The following SBNO1 variants were observed in gnomAD, a reference collection of about 807,000 sequenced individuals.
SBNO1 encodes strawberry notch homolog 1.
In SBNO1, 23 loss-of-function variants were observed where a neutral mutation model predicts 173.6. That is an observed-to-expected ratio of 0.13 (90% CI 0.10 to 0.19). The LOEUF is 0.19. SBNO1 is among the 10% of genes least tolerant of loss of function. The pLI is 1.00. For synonymous variants in SBNO1, 632 were observed against 571.5 expected (o/e 1.11, Z -1.51); for missense variants, 1,238 against 1,671.2 (o/e 0.74, Z 4.52).
chr12:123,318,157 T>C (rs764005536), intron 20 of SBNO1, among the ~76,000 whole-genome samples: 30 of 152,270 alleles, frequency 2.0e-4, no homozygotes, highest in Non-Finnish European at 4.1e-4. Flanking sequence ...TCCCATTATG[T>C]TGCCCAGGCT....
intron 1 of SBNO1, among the ~76,000 whole-genome samples, chr12:123,361,260 G>C (rs1430605660): frequency 6.8e-6 from 1 of 146,634 alleles, no homozygotes; most frequent in Non-Finnish European, 1.5e-5. Flanking sequence ...ATAAAAAATA[G>C]AAAGAAGGCT....
At chr12:123,300,951 C>G (rs564593793) in intron 30 of SBNO1, among the ~76,000 whole-genome samples, 4 of 145,038 alleles carry the variant, frequency 2.8e-5, no homozygotes, top group African/African-American at 7.6e-5. Context: ...AGAGCAAGGA[C>G]ACCATCTCAA....
chr12:123,299,091 G>C (rs1372266283), intron 30 of SBNO1, among the ~76,000 whole-genome samples: 1 of 152,054 alleles, frequency 6.6e-6, no homozygotes, highest in African/African-American at 2.4e-5. Flanking sequence ...GGTATGGGCT[G>C]GGTGCGGTGG....
chr12:123,358,419 C>T (rs1379230602), intron 1 of SBNO1, among the ~76,000 whole-genome samples: 1 of 152,022 alleles, frequency 6.6e-6, no homozygotes, highest in Non-Finnish European at 1.5e-5. Flanking sequence ...CAAATGCTAC[C>T]CATTATCCCT....
Position 123,304,687 on chromosome 12 carries a change from A to C in SBNO1, c.3663T>G (p.Val1221=). Reference sequence around the variant, plus strand: ...GTTTCTTTTTAGGATTCACTTCTTTAACTAAGATGGCAGTTTTCTTGTTGT... The same window carrying C: ...GTTTCTTTTTAGGATTCACTTCTTTCACTAAGATGGCAGTTTTCTTGTTGT... ...IRNNKKTAIL[V]KEVNPKKKLF... Residue 1221 remains valine, a synonymous_variant, in exon 29 of 32, where the codon GTT becomes GTG. Transcript: ENST00000602398. 1 of 1,546,064 alleles carries C rather than the reference A, an allele frequency of 6.5e-7. No individual in the cohort carries two copies. The highest frequency in any genetic ancestry group is 8.9e-7 in the Non-Finnish European group (1 of 1,123,084).
intron 13 of SBNO1, among the ~76,000 whole-genome samples, chr12:123,327,209 A>T (rs1181332981): frequency 6.6e-6 from 1 of 151,856 alleles, no homozygotes; most frequent in African/African-American, 2.4e-5. Flanking sequence ...TGAGGTTTCA[A>T]CATGTAGGCC....
rs1869964319 is a variant in SBNO1 at position 123,321,428 on chromosome 12, A to C, written c.2323+107T>G. 9.7e-6 allele frequency: 8 copies of C among 820,720 alleles called. No homozygotes were observed. The Admixed American group carries it at 1.8e-4, about 18-fold the overall frequency. The allele number at this position is 820,720 out of a possible 1,614,324, so 50.8% of individuals were successfully genotyped here. A position where few individuals can be genotyped will look rare whatever the true frequency, so the allele number is the denominator to read the frequency against. On this transcript the variant is annotated intron_variant, in intron 17 of 31. Coordinates refer to ENST00000602398, the MANE Select transcript of SBNO1 (RefSeq NM_001167856.3). ...GAGCTTTCCACCAAGCAAAGATTAT[A>C]ATCTGTGTGATCATTTGTACTGTAC...
At position 123,309,828 on chromosome 12, in the gene SBNO1, A is replaced by G. The variant is rs1303022795; in HGVS notation, c.3324T>C (p.Asn1108=). The change falls in exon 26 of 32, where the codon AAT becomes AAC. Residue 1108 remains asparagine (N), a synonymous_variant. Coordinates refer to ENST00000602398, the MANE Select transcript of SBNO1 (RefSeq NM_001167856.3). The part of the protein sequence containing the change: ...KDYNNIGKFL[N]RILGMEVHQQ... ...GATGCACCTCCATGCCTAAAATTCTATTTAAGAATTTTCCTATGTTGTTAT... is the reference window on the plus strand; with the variant it reads ...GATGCACCTCCATGCCTAAAATTCTGTTTAAGAATTTTCCTATGTTGTTAT... The G allele has an allele frequency of 1.9e-6, 3 of 1,601,310 alleles. No homozygotes were observed. Among genetic ancestry groups the G allele is most frequent in the African/African-American group, 2.7e-5 (2 of 74,260 alleles).
rs76328346 is a variant in SBNO1 at position 123,346,009 on chromosome 12, T to C, written c.238-439A>G. ...ATTTCTGATTTGATTAGCTACAAAT[T>C]ACCAAGTTAAACGGACAACTTTGAC... is the stretch of plus-strand genomic sequence containing the variant. On this transcript the variant is annotated intron_variant, in intron 3 of 31. Transcript: ENST00000602398. Among the ~76,000 whole-genome samples the C allele has an allele frequency of 6.2e-3, 941 of 152,316 alleles. 5 individuals are homozygous for C. The highest frequency in any genetic ancestry group is 0.011 in the Non-Finnish European group (765 of 68,030).
chr12:123,314,103 A>C (rs1868969865), intron 23 of SBNO1, among the ~76,000 whole-genome samples: 2 of 151,880 alleles, frequency 1.3e-5, no homozygotes, highest in Non-Finnish European at 2.9e-5. Flanking sequence ...ACCCCAAAAA[A>C]CCCACAAACT....
chr12:123,347,955 C>A, intron 3 of SBNO1, 74 bp downstream of exon 3: 1 of 886,340 alleles, frequency 1.1e-6, no homozygotes, highest in Non-Finnish European at 1.8e-6. Flanking sequence ...GTGCGAATCA[C>A]CACACCCGGC....
chr12:123,289,692 G>A lies in SBNO1; in HGVS notation c.*6216C>T, dbSNP rs1365220167. On this transcript the variant is annotated 3_prime_UTR_variant, in exon 32 of 32. Transcript: ENST00000602398. ...CTCATGGATGATGGAAGATACAAGTGGTTATTGAAAAATCATATCAGTAGT... is the reference window on the plus strand; with the variant it reads ...CTCATGGATGATGGAAGATACAAGTAGTTATTGAAAAATCATATCAGTAGT... The A allele has an allele frequency of 1.3e-5, 2 of 152,180 alleles. No individual in the cohort carries two copies. The highest frequency in any genetic ancestry group is 1.3e-4 in the Admixed American group (2 of 15,272). The allele number at this position is 152,180 out of a possible 1,614,324, so 9.4% of individuals were successfully genotyped here.
chr12:123,349,974 T>C (rs1873690458), intron 2 of SBNO1, among the ~76,000 whole-genome samples: 1 of 151,744 alleles, frequency 6.6e-6, no homozygotes, highest in African/African-American at 2.4e-5. Flanking sequence ...TATTTAAAAT[T>C]GGGCCAAGCT....
At position 123,292,974 on chromosome 12, in the gene SBNO1, A is replaced by C. The variant is rs908139524; in HGVS notation, c.*2934T>G. 6.6e-6 allele frequency: 1 copy of C among 152,232 alleles called. No homozygotes were observed. Among genetic ancestry groups the C allele is most frequent in the Non-Finnish European group, 1.5e-5 (1 of 68,046 alleles). The allele number at this position is 152,232 out of a possible 1,614,324, so 9.4% of individuals were successfully genotyped here. On this transcript the variant is annotated 3_prime_UTR_variant, in exon 32 of 32. Coordinates refer to ENST00000602398, the MANE Select transcript of SBNO1 (RefSeq NM_001167856.3). ...ATGGAGGTTGCTAAATGAGGGGAAC[A>C]CTAATTCCCCCAGAGATAACATCTG...
At position 123,293,187 on chromosome 12, in the gene SBNO1, T is replaced by G. The variant is rs2048536883; in HGVS notation, c.*2721A>C. 1 of 152,210 alleles carries G rather than the reference T, an allele frequency of 6.6e-6. No individual in the cohort carries two copies. Among genetic ancestry groups the G allele is most frequent in the Non-Finnish European group, 1.5e-5 (1 of 68,030 alleles). The allele number at this position is 152,210 out of a possible 1,614,324, so 9.4% of individuals were successfully genotyped here. A position where few individuals can be genotyped will look rare whatever the true frequency, so the allele number is the denominator to read the frequency against. ...TCTGAATTCAGGTGTGGCATTTAGA[T>G]CCTGCAATGAATGGACCTATTTTAC... On this transcript the variant is annotated 3_prime_UTR_variant, in exon 32 of 32. Coordinates refer to ENST00000602398, the MANE Select transcript of SBNO1 (RefSeq NM_001167856.3).
intron 1 of SBNO1, chr12:123,364,495 G>C (rs1289775380): frequency 9.1e-6 from 9 of 984,018 alleles, no homozygotes; most frequent in Non-Finnish European, 9.7e-6. Context: ...GAGGAAGCGA[G>C]TACAACGGAG....
At chr12:123,360,755 C>A (rs1470226143) in intron 1 of SBNO1, among the ~76,000 whole-genome samples, 1 of 151,998 alleles carries the variant, frequency 6.6e-6, no homozygotes, top group African/African-American at 2.4e-5. Context: ...AGACAAACCA[C>A]TTTTTAAAGC....
At position 123,292,521 on chromosome 12, in the gene SBNO1, T is replaced by C. The variant is rs1370997089; in HGVS notation, c.*3387A>G. ...TTCTTCTCTTGCCGGCTAACAATTGTTCTAACAGCATCCCATGGAGGCCAG... is the reference window on the plus strand; with the variant it reads ...TTCTTCTCTTGCCGGCTAACAATTGCTCTAACAGCATCCCATGGAGGCCAG... On this transcript the variant is annotated 3_prime_UTR_variant, in exon 32 of 32. Transcript: ENST00000602398. 1.3e-5 allele frequency: 2 copies of C among 152,184 alleles called. No homozygotes were observed. The highest frequency in any genetic ancestry group is 2.9e-5 in the Non-Finnish European group (2 of 68,034). 9.4% of individuals were successfully genotyped at this position (152,184 alleles called of 1,614,324 possible).
intron 15 of SBNO1, among the ~76,000 whole-genome samples, chr12:123,324,475 C>T (rs981720878): frequency 6.6e-6 from 1 of 151,978 alleles, no homozygotes; most frequent in Non-Finnish European, 1.5e-5. Flanking sequence ...GTGCCCGCCA[C>T]CACGCCTGGC....
Sources: gnomAD v4.1 joint callset for allele counts (sites outside exome capture counted in the v4.1 genomes callset) on GRCh38, gnomAD v4.1.1 for gene constraint, MANE v1.5 for transcripts, NCBI Gene and HGNC (gene_info 2026-07-23, HGNC 2026-07-21) for gene names.